Variants in CPE observed in about 807,000 individuals in gnomAD.
CPE encodes carbocypeptidase E.
In CPE, 17 loss-of-function variants were observed where a neutral mutation model predicts 53.5. That is an observed-to-expected ratio of 0.32 (90% CI 0.22 to 0.48). The LOEUF (loss-of-function observed/expected upper bound fraction) is 0.48, where lower values mean the gene tolerates loss of function less well. Ranked by LOEUF, CPE falls within the 20% of genes least tolerant of loss-of-function variation. CPE has a pLI of 0.99. For synonymous variants in CPE, 226 were observed against 228.8 expected (o/e 0.99, Z 0.11); for missense variants, 524 against 614.7 (o/e 0.85, Z 1.56).
intron 8 of CPE, among the ~76,000 whole-genome samples, chr4:165,496,402 C>T (rs1326725526): frequency 6.6e-6 from 1 of 152,132 alleles, no homozygotes. Context: ...TGTATGTCTA[C>T]ATTGGGCTGT....
chr4:165,464,123 A>G (rs559404946), intron 1 of CPE, among the ~76,000 whole-genome samples: 1 of 152,266 alleles, frequency 6.6e-6, no homozygotes, highest in East Asian at 1.9e-4. Flanking sequence ...AACCCTAATT[A>G]CCTCCTTAAT....
At chr4:165,491,583 G>A (rs1262852703) in intron 6 of CPE, among the ~76,000 whole-genome samples, 1 of 151,970 alleles carries the variant, frequency 6.6e-6, no homozygotes, top group African/African-American at 2.4e-5. Flanking sequence ...TATTAGTTAT[G>A]GAGAAAAGTT....
At chr4:165,472,443 C>A (rs760262109) in intron 3 of CPE, among the ~76,000 whole-genome samples, 31 of 152,144 alleles carry the variant, frequency 2.0e-4, no homozygotes, top group Non-Finnish European at 4.0e-4. Flanking sequence ...TTCTGTGGCA[C>A]ACAATTATGT....
Position 165,381,663 on chromosome 4 carries a change from A to G in CPE, c.307+2135A>G, listed in dbSNP as rs373803153. 5.6e-4 allele frequency among the ~76,000 whole-genome samples: 85 copies of G among 152,324 alleles called. 1 individual carries two copies. In the South Asian group the frequency reaches 0.017, roughly 30 times the overall value. On this transcript the variant is annotated intron_variant, in intron 1 of 8. Transcript: ENST00000402744. Reference sequence around the variant, plus strand: ...ATTATAAACCAACACTAACAAAAGTACAAGGTGATATCCCCCTCCATCACC... The same window carrying G: ...ATTATAAACCAACACTAACAAAAGTGCAAGGTGATATCCCCCTCCATCACC...
At position 165,482,322 on chromosome 4, in the gene CPE, C is replaced by T. The variant is rs765565656; in HGVS notation, c.753C>T (p.Asp251=). 9.9e-6 allele frequency: 16 copies of T among 1,613,706 alleles called. No homozygotes were observed. The African/African-American group carries it at 1.9e-4, about 19-fold the overall frequency. ...TTTCTGCCAATCTCCATGGAGGAGA[C>T]CTTGTGGCCAATTATCCATATGATG... ...FVLSANLHGG[D]LVANYPYDET... Residue 251 remains aspartate, a synonymous_variant, in exon 4 of 9, where the codon GAC becomes GAT. Transcript: ENST00000402744.
At chr4:165,487,617 G>A (rs980127845) in intron 6 of CPE, 40 bp downstream of exon 6, 2 of 1,611,640 alleles carry the variant, frequency 1.2e-6, no homozygotes, top group African/African-American at 2.7e-5. Context: ...AGGTTTACAA[G>A]CATTCAAACC....
chr4:165,467,964 G>A, intron 3 of CPE, 109 bp downstream of exon 3: 1 of 1,250,618 alleles, frequency 8.0e-7, no homozygotes, highest in South Asian at 1.5e-5. Flanking sequence ...GCTTGTATGG[G>A]GTGGTTAACT....
At chr4:165,486,731 G>A (rs1226963771) in intron 5 of CPE, among the ~76,000 whole-genome samples, 3 of 152,042 alleles carry the variant, frequency 2.0e-5, no homozygotes, top group Non-Finnish European at 2.9e-5. Context: ...TTTTGTCTGC[G>A]TTATCTTATG....
intron 1 of CPE, among the ~76,000 whole-genome samples, chr4:165,414,855 T>C (rs2126669933): frequency 6.6e-6 from 1 of 152,110 alleles, no homozygotes; most frequent in African/African-American, 2.4e-5. Flanking sequence ...CTGGTTATTG[T>C]CTTAGGATAT....
At chr4:165,478,570 ACAAAAATTAAAACATG>A (rs1430866100) in intron 3 of CPE, among the ~76,000 whole-genome samples, 4 of 152,234 alleles carry the variant, frequency 2.6e-5, no homozygotes, top group African/African-American at 9.6e-5. Context: ...ATATTTTATT[ACAAAAATTAAAACATG>A]CAAATAAGGA....
intron 1 of CPE, among the ~76,000 whole-genome samples, chr4:165,398,750 T>C (rs1214928761): frequency 2.6e-5 from 4 of 152,178 alleles, no homozygotes; most frequent in East Asian, 1.9e-4. Flanking sequence ...ACAGATTTCA[T>C]TGGCTGGCTG....
At chr4:165,472,125 T>G (rs1732217537) in intron 3 of CPE, among the ~76,000 whole-genome samples, 1 of 152,230 alleles carries the variant, frequency 6.6e-6, no homozygotes, top group Admixed American at 6.5e-5. Context: ...CAGCAATGTT[T>G]TAAGCAAAAA....
intron 8 of CPE, among the ~76,000 whole-genome samples, chr4:165,496,308 C>T (rs377600994): frequency 7.9e-5 from 12 of 152,008 alleles, no homozygotes; most frequent in Non-Finnish European, 4.4e-5. Flanking sequence ...TGTTTATGTA[C>T]CCAAAACTTG....
At chr4:165,431,083 T>C (rs962134324) in intron 1 of CPE, among the ~76,000 whole-genome samples, 3 of 152,210 alleles carry the variant, frequency 2.0e-5, no homozygotes, top group African/African-American at 7.2e-5. Flanking sequence ...CAATGTGTCC[T>C]CTGCCTTTTG....
chr4:165,455,871 T>C (rs1275435901), intron 1 of CPE, among the ~76,000 whole-genome samples: 2 of 152,168 alleles, frequency 1.3e-5, no homozygotes, highest in Non-Finnish European at 2.9e-5. Context: ...CAGGCTGGTG[T>C]GGAACTCCTG....
intron 1 of CPE, among the ~76,000 whole-genome samples, chr4:165,449,387 T>G (rs17046508): frequency 0.04 from 6,105 of 152,236 alleles, 397 homozygotes; most frequent in African/African-American, 0.13. Context: ...TGAATCCCGG[T>G]TTATTTTAGG....
chr4:165,391,965 A>G (rs1246592643), intron 1 of CPE, among the ~76,000 whole-genome samples: 1 of 151,856 alleles, frequency 6.6e-6, no homozygotes, highest in Non-Finnish European at 1.5e-5. Flanking sequence ...AATCATTCAC[A>G]TTTCTTGTGT....
intron 3 of CPE, among the ~76,000 whole-genome samples, chr4:165,468,832 A>C (rs1732151466): frequency 6.6e-6 from 1 of 152,040 alleles, no homozygotes; most frequent in African/African-American, 2.4e-5. Flanking sequence ...TGCTTAAAAA[A>C]CCTTAGCAGC....
chr4:165,441,742 T>C lies in CPE; in HGVS notation c.308-22648T>C, dbSNP rs112919572. Among the ~76,000 whole-genome samples the C allele has an allele frequency of 2.6e-5, 4 of 152,336 alleles. No individual in the cohort carries two copies. In the South Asian group the frequency reaches 8.3e-4, roughly 32 times the overall value. On this transcript the variant is annotated intron_variant, in intron 1 of 8. Coordinates refer to ENST00000402744, the MANE Select transcript of CPE (RefSeq NM_001873.4). The stretch of plus-strand genomic sequence containing the variant: ...GGCATGAATTATGGTTGAGGACTTA[T>C]GCATATTTTGACCAAATGAAAATGA...
Sources: allele counts gnomAD v4.1 joint callset (sites outside exome capture counted in the v4.1 genomes callset), GRCh38; gene constraint gnomAD v4.1.1; transcripts MANE v1.5; gene names NCBI Gene and HGNC (gene_info 2026-07-23, HGNC 2026-07-21).